Variants in SIPA1L2 observed in about 807,000 individuals in gnomAD.
The protein encoded by SIPA1L2 is signal-induced proliferation-associated 1-like protein 2.
In SIPA1L2, 56 loss-of-function variants were observed where a neutral mutation model predicts 163.9. The observed-to-expected ratio is 0.34, with a 90% CI of 0.28 to 0.43. The LOEUF is 0.43. SIPA1L2 is among the 20% of genes least tolerant of loss of function. SIPA1L2 has a pLI of 1.00. For synonymous variants in SIPA1L2, 877 were observed against 865.7 expected (o/e 1.01, Z -0.23); for missense variants, 1,974 against 2,193.5 (o/e 0.90, Z 2.00).
At chr1:232,566,957 T>C (rs1659439765) in intron 2 of SIPA1L2, among the ~76,000 whole-genome samples, 1 of 152,230 alleles carries the variant, frequency 6.6e-6, no homozygotes, top group African/African-American at 2.4e-5. Flanking sequence ...GATAATATAA[T>C]TGTACAGATG....
intron 2 of SIPA1L2, among the ~76,000 whole-genome samples, chr1:232,559,065 G>A (rs563852584): frequency 6.6e-6 from 1 of 152,292 alleles, no homozygotes; most frequent in African/African-American, 2.4e-5. Context: ...ACCGGTGGGT[G>A]GGTGATCTCA....
Position 232,465,527 on chromosome 1 carries a change from CACACACATATACATACACACAT to C in SIPA1L2, c.2244-133_2244-112del, listed in dbSNP as rs1347632330. 2.8e-5 allele frequency: 24 copies of C among 867,850 alleles called. No individual in the cohort carries two copies. The highest frequency in any genetic ancestry group is 3.9e-5 in the Non-Finnish European group (22 of 562,178). 53.8% of individuals were successfully genotyped at this position (867,850 alleles called of 1,614,324 possible). On this transcript the variant is annotated intron_variant, in intron 8 of 22. Coordinates refer to ENST00000674635, the MANE Select transcript of SIPA1L2 (RefSeq NM_020808.5). The surrounding 1 kb of genome is among the most constrained non-coding windows in gnomAD (Gnocchi z 4.1). ...ACACACACATATACATACACACACA[CACACACATATACATACACACAT>C]ACACACACACTTTCAACTTAACTGG...
intron 2 of SIPA1L2, among the ~76,000 whole-genome samples, chr1:232,530,906 T>G (rs1656878027): frequency 6.6e-6 from 1 of 152,212 alleles, no homozygotes; most frequent in African/African-American, 2.4e-5. Context: ...GTAGTACAAT[T>G]TATTTACTCA....
At chr1:232,438,242 A>C (rs1220092301) in intron 15 of SIPA1L2, among the ~76,000 whole-genome samples, 1 of 152,170 alleles carries the variant, frequency 6.6e-6, no homozygotes. Flanking sequence ...ACCTGCAAGA[A>C]ATATTCCCAT....
At chr1:232,411,296 A>G (rs564669231) in intron 19 of SIPA1L2, among the ~76,000 whole-genome samples, 2 of 152,298 alleles carry the variant, frequency 1.3e-5, no homozygotes, top group East Asian at 3.9e-4. Flanking sequence ...AAAGATCACG[A>G]GGTCTCCATA....
intron 1 of SIPA1L2, among the ~76,000 whole-genome samples, chr1:232,615,982 G>C (rs1179574967): frequency 6.6e-6 from 1 of 152,132 alleles, no homozygotes; most frequent in African/African-American, 2.4e-5. Flanking sequence ...AGCTTTTCTC[G>C]ATAAATCCTC....
At chr1:232,545,650 C>G (rs138694279) in intron 2 of SIPA1L2, among the ~76,000 whole-genome samples, 128 of 152,266 alleles carry the variant, frequency 8.4e-4, no homozygotes, top group African/African-American at 2.9e-3. Context: ...AAAATTCAAA[C>G]AGTCTAGAGA....
intron 2 of SIPA1L2, among the ~76,000 whole-genome samples, chr1:232,547,274 T>C (rs1209746617): frequency 3.3e-5 from 5 of 152,074 alleles, no homozygotes; most frequent in Admixed American, 1.3e-4. Context: ...AACACACAGC[T>C]GGGATAAGTA....
intron 1 of SIPA1L2, among the ~76,000 whole-genome samples, chr1:232,625,024 T>C (rs1558312618): frequency 6.6e-6 from 1 of 152,198 alleles, no homozygotes; most frequent in Non-Finnish European, 1.5e-5. Context: ...CACATTTTCT[T>C]AATCATATGC....
Position 232,514,588 on chromosome 1 carries a change from G to C in SIPA1L2, c.752C>G (p.Ser251Cys). The part of the protein sequence containing the change: ...SPSLHAAAQI[S>C]RGEFVRISGL... ...TGAGATGCGGACAAATTCTCCCCTA[G>C]AAATCTGTGCTGCTGCATGAAGGCT... The change falls in exon 3 of 23, where the codon TCT becomes TGT. Residue 251 changes from serine (S) to cysteine (C), a missense_variant. Around this residue, in one of 3 missense-constraint regions of SIPA1L2, gnomAD observed 607 missense variants for 624.0 expected, o/e 0.97. Transcript: ENST00000674635. 1 of 1,614,164 alleles carries C rather than the reference G, an allele frequency of 6.2e-7. No individual in the cohort carries two copies. Among genetic ancestry groups the C allele is most frequent in the Non-Finnish European group, 8.5e-7 (1 of 1,180,022 alleles).
At chr1:232,406,198 A>G (rs1660623747) in intron 19 of SIPA1L2, among the ~76,000 whole-genome samples, 2 of 152,164 alleles carry the variant, frequency 1.3e-5, no homozygotes, top group African/African-American at 4.8e-5. Flanking sequence ...TAATCAAGCA[A>G]TTACTGAGAT....
chr1:232,600,096 C>T (rs112775635), intron 1 of SIPA1L2, among the ~76,000 whole-genome samples: 1 of 152,344 alleles, frequency 6.6e-6, no homozygotes, highest in African/African-American at 2.4e-5. Flanking sequence ...TGAACTGGCT[C>T]TGAAGGCAGG....
chr1:232,416,120 G>A (rs1289059895), intron 18 of SIPA1L2, among the ~76,000 whole-genome samples: 1 of 150,124 alleles, frequency 6.7e-6, no homozygotes, highest in African/African-American at 2.5e-5. Flanking sequence ...GTCAGAACAC[G>A]GGCACCACTG....
chr1:232,513,804 T>C, intron 3 of SIPA1L2, 53 bp downstream of exon 3: 1 of 1,512,056 alleles, frequency 6.6e-7, no homozygotes, highest in Non-Finnish European at 8.8e-7. Context: ...TTGTGACTGG[T>C]TCTTAAAAAA....
chr1:232,503,746 G>A (rs1379962017), intron 3 of SIPA1L2, among the ~76,000 whole-genome samples: 1 of 152,186 alleles, frequency 6.6e-6, no homozygotes, highest in Non-Finnish European at 1.5e-5. Flanking sequence ...GCTGATCTGG[G>A]TTACATAGGC....
intron 10 of SIPA1L2, among the ~76,000 whole-genome samples, chr1:232,455,886 C>T (rs1044485926): frequency 2.0e-4 from 31 of 151,860 alleles, no homozygotes; most frequent in Admixed American, 6.6e-4. Flanking sequence ...TGCTTACAAG[C>T]GGGAGCTAAA....
intron 6 of SIPA1L2, among the ~76,000 whole-genome samples, chr1:232,480,144 T>TGTGTGC (rs1665254536): frequency 7.3e-6 from 1 of 136,428 alleles, no homozygotes; most frequent in African/African-American, 3.2e-5. Flanking sequence ...CGCATCTGTG[T>TGTGTGC]GTGTGTGTGC....
chr1:232,539,481 T>C (rs1278393957), intron 2 of SIPA1L2, among the ~76,000 whole-genome samples: 1 of 152,162 alleles, frequency 6.6e-6, no homozygotes, highest in Non-Finnish European at 1.5e-5. Flanking sequence ...TAATAAGAGA[T>C]TTCCCCTTCT....
intron 10 of SIPA1L2, among the ~76,000 whole-genome samples, chr1:232,446,161 C>CT (rs531350422): frequency 1.3e-3 from 194 of 152,254 alleles, no homozygotes; most frequent in African/African-American, 4.4e-3. Context: ...CAATACACAG[C>CT]TAAAAAAAAT....
Sources: allele counts gnomAD v4.1 joint callset (sites outside exome capture counted in the v4.1 genomes callset), GRCh38; gene constraint gnomAD v4.1.1; regional missense constraint gnomAD v4.1.1; non-coding constraint Gnocchi (gnomAD v3.1); transcripts MANE v1.5; gene names NCBI Gene and HGNC (gene_info 2026-07-23, HGNC 2026-07-21).